The following KCTD8 variants were observed in gnomAD, a reference collection of about 807,000 sequenced individuals.
KCTD8 encodes BTB/POZ domain-containing protein KCTD8.
In KCTD8, 27 loss-of-function variants were observed where a neutral mutation model predicts 31.5. That is an observed-to-expected ratio of 0.86 (90% confidence interval 0.63 to 1.18). The LOEUF (loss-of-function observed/expected upper bound fraction) is 1.18, where lower values mean the gene tolerates loss of function less well. Ranked by LOEUF, KCTD8 falls within the 50% of genes most tolerant of loss-of-function variation. The pLI is 0.00. For missense variants in KCTD8, 658 were observed against 647.7 expected, an observed-to-expected ratio of 1.02 and a Z score of -0.17; for synonymous variants, 290 against 280.0, an observed-to-expected ratio of 1.04 and a Z score of -0.36.
At chr4:44,268,387 T>C (rs888101072) in intron 1 of KCTD8, among the ~76,000 whole-genome samples, 33 of 152,142 alleles carry the variant, frequency 2.2e-4, no homozygotes, top group South Asian at 8.3e-4. Context: ...ATTGATGGGA[T>C]GTATCTCAAA....
chr4:44,221,063 C>A (rs1714792936), intron 1 of KCTD8, among the ~76,000 whole-genome samples: 1 of 152,172 alleles, frequency 6.6e-6, no homozygotes, highest in African/African-American at 2.4e-5. Flanking sequence ...ACAGAGTCAG[C>A]AGGACCCATG....
intron 1 of KCTD8, among the ~76,000 whole-genome samples, chr4:44,411,491 C>A (rs1363036238): frequency 1.3e-5 from 2 of 151,222 alleles, no homozygotes; most frequent in Non-Finnish European, 2.9e-5. Context: ...GAACATAATG[C>A]CAAAAATCAC....
At chr4:44,285,293 T>C (rs1027002785) in intron 1 of KCTD8, among the ~76,000 whole-genome samples, 14 of 152,128 alleles carry the variant, frequency 9.2e-5, no homozygotes, top group Non-Finnish European at 5.9e-5. Context: ...TATGCACCCA[T>C]AAAACAGAAT....
At chr4:44,335,879 G>A (rs1179949353) in intron 1 of KCTD8, among the ~76,000 whole-genome samples, 5 of 152,006 alleles carry the variant, frequency 3.3e-5, no homozygotes, top group Admixed American at 1.3e-4. Flanking sequence ...GGCCGGGCGC[G>A]GTGGCTCACG....
intron 1 of KCTD8, among the ~76,000 whole-genome samples, chr4:44,416,605 T>G (rs1018207952): frequency 2.6e-5 from 4 of 152,056 alleles, no homozygotes; most frequent in Non-Finnish European, 4.4e-5. Flanking sequence ...CACTCAAGAT[T>G]TGGTTGTTTA....
At chr4:44,299,778 T>C (rs2109391241) in intron 1 of KCTD8, among the ~76,000 whole-genome samples, 1 of 151,042 alleles carries the variant, frequency 6.6e-6, no homozygotes, top group African/African-American at 2.4e-5. Context: ...TTTTCTTTTT[T>C]TTTTTTTGGA....
At chr4:44,435,875 A>T (rs1035014135) in intron 1 of KCTD8, among the ~76,000 whole-genome samples, 1 of 152,068 alleles carries the variant, frequency 6.6e-6, no homozygotes, top group African/African-American at 2.4e-5. Flanking sequence ...CACTGTGAAA[A>T]CTGGCTATGA....
intron 1 of KCTD8, among the ~76,000 whole-genome samples, chr4:44,208,956 TG>T (rs1288760252): frequency 6.6e-6 from 1 of 152,184 alleles, no homozygotes; most frequent in Non-Finnish European, 1.5e-5. Context: ...GGATTTTGTT[TG>T]TTTGTTTGTT....
intron 1 of KCTD8, among the ~76,000 whole-genome samples, chr4:44,310,283 T>C (rs1002360360): frequency 2.0e-5 from 3 of 152,076 alleles, no homozygotes; most frequent in Non-Finnish European, 2.9e-5. Flanking sequence ...AATCTAATTT[T>C]GAACATAGAA....
intron 1 of KCTD8, among the ~76,000 whole-genome samples, chr4:44,348,289 C>T (rs1284095877): frequency 2.0e-5 from 3 of 152,264 alleles, no homozygotes. Flanking sequence ...TTTCGTAACT[C>T]AGTTTTAAAT....
At chr4:44,286,147 A>G (rs1013146478) in intron 1 of KCTD8, among the ~76,000 whole-genome samples, 1 of 151,964 alleles carries the variant, frequency 6.6e-6, no homozygotes, top group African/African-American at 2.4e-5. Flanking sequence ...TCTCATTTTT[A>G]TCCATATTCA....
chr4:44,187,181 A>C (rs1269411308), intron 1 of KCTD8, among the ~76,000 whole-genome samples: 2 of 152,188 alleles, frequency 1.3e-5, no homozygotes, highest in Non-Finnish European at 2.9e-5. Context: ...ACCACACATA[A>C]TGTGGAAAAA....
chr4:44,199,709 T>C (rs1714074063), intron 1 of KCTD8, among the ~76,000 whole-genome samples: 1 of 151,992 alleles, frequency 6.6e-6, no homozygotes, highest in East Asian at 1.9e-4. Context: ...TAGAAAAGTC[T>C]CAAATTAATG....
intron 1 of KCTD8, among the ~76,000 whole-genome samples, chr4:44,298,896 A>T (rs1015606590): frequency 6.6e-6 from 1 of 152,252 alleles, no homozygotes; most frequent in African/African-American, 2.4e-5. Context: ...GAAAAAAGCT[A>T]TTCACATAAA....
chr4:44,181,254 T>C (rs868657095), intron 1 of KCTD8, among the ~76,000 whole-genome samples: 2 of 138,756 alleles, frequency 1.4e-5, no homozygotes, highest in South Asian at 4.3e-4. Flanking sequence ...CTTTCCACGG[T>C]CTCCCTCTCC....
intron 1 of KCTD8, among the ~76,000 whole-genome samples, chr4:44,339,186 C>T (rs1718832105): frequency 6.6e-6 from 1 of 152,064 alleles, no homozygotes; most frequent in South Asian, 2.1e-4. Context: ...AGAGAAAATA[C>T]AATCTTTGGA....
intron 1 of KCTD8, among the ~76,000 whole-genome samples, chr4:44,425,582 G>A (rs186092709): frequency 1.3e-5 from 2 of 152,062 alleles, no homozygotes; most frequent in Non-Finnish European, 2.9e-5. Flanking sequence ...CATTGTCAAT[G>A]CTTAGGCAGT....
At chr4:44,358,736 T>A (rs1328645661) in intron 1 of KCTD8, among the ~76,000 whole-genome samples, 1 of 151,974 alleles carries the variant, frequency 6.6e-6, no homozygotes, top group Non-Finnish European at 1.5e-5. Context: ...ACCCGGTTAA[T>A]TTTTTTGTAT....
intron 1 of KCTD8, among the ~76,000 whole-genome samples, chr4:44,224,252 T>C (rs930729958): frequency 1.3e-5 from 2 of 152,242 alleles, no homozygotes; most frequent in South Asian, 2.1e-4. Context: ...CTCCATTATA[T>C]GACAAAGACC....
Sources: allele counts gnomAD v4.1 joint callset (sites outside exome capture counted in the v4.1 genomes callset), GRCh38; gene constraint gnomAD v4.1.1; transcripts MANE v1.5; gene names NCBI Gene and HGNC (gene_info 2026-07-23, HGNC 2026-07-21).